CLEC4G: variants seen among roughly 807,000 people sequenced by gnomAD.
CLEC4G encodes C-type lectin superfamily 4, member G.
CLEC4G carries 34 observed loss-of-function variants against 37.0 expected under a neutral mutation model. The ratio of observed to expected loss-of-function variants is 0.92; its 90% CI spans 0.70 to 1.22. CLEC4G has a LOEUF of 1.22. Among genes scored for constraint, CLEC4G ranks in the 50% most tolerant of loss-of-function variants. CLEC4G has a pLI of 0.00. For synonymous variants in CLEC4G, 167 were observed against 165.6 expected (o/e 1.01, Z -0.06); for missense variants, 390 against 392.9 (o/e 0.99, Z 0.06).
rs200909605 is a variant in CLEC4G, at chr19:7,729,367, C to G, written c.881G>C (p.Ter294SerextTer79). 1.2e-6 allele frequency: 2 copies of G among 1,604,530 alleles called. No individual in the cohort carries two copies. The highest frequency in any genetic ancestry group is 1.7e-6 in the Non-Finnish European group (2 of 1,172,480). Residue 294 changes from the stop codon to serine (S), a stop_lost, in exon 9 of 9, where the codon TGA becomes TCA. Coordinates refer to ENST00000328853, the MANE Select transcript of CLEC4G (RefSeq NM_198492.4). ...GCGGCTCCAGGGCACTGGGCGGGGT[C>G]AGCAGTTGTGCCTTTTCTCACAGAT... ...GWICEKRHNC[*>S]
rs374484588 is a variant in CLEC4G, at chr19:7,731,784, G to C, written c.56-13C>G. On this transcript the variant is annotated splice_polypyrimidine_tract_variant and intron_variant, in intron 1 of 8. Transcript: ENST00000328853. Reference sequence around the variant, plus strand: ...CGTCCCCAGGGCCCTGGCATAACAAGGACGGCATGCTGGGTCCCCCAGAAC... The same window carrying C: ...CGTCCCCAGGGCCCTGGCATAACAACGACGGCATGCTGGGTCCCCCAGAAC... 1.2e-6 allele frequency: 2 copies of C among 1,609,722 alleles called. No individual in the cohort carries two copies. Among genetic ancestry groups the C allele is most frequent in the South Asian group, 2.2e-5 (2 of 90,490 alleles).
chr19:7,731,724 C>A lies in CLEC4G; in HGVS notation c.103G>T (p.Ala35Ser). The A allele has an allele frequency of 6.2e-7, 1 of 1,614,066 alleles. No individual in the cohort carries two copies. The highest frequency in any genetic ancestry group is 1.1e-5 in the South Asian group (1 of 91,076). ...VHWSRRPLFL[A>S]LAVLVTTVLW... is the part of the protein sequence containing the mutation. ...ACTGTGGTGACCAGGACAGCCAGGG[C>A]CAAGAAGAGGGGTCTCCTGCTCCAG... The change falls in exon 2 of 9, where the codon GCC becomes TCC. Residue 35 changes from alanine (A) to serine (S), a missense_variant. Physicochemically the swap from Ala to Ser is moderately conservative, Grantham distance 99. Transcript: ENST00000328853.
In CLEC4G at chr19:7,730,744, C is replaced by T; in HGVS notation, c.388+11G>A. On this transcript the variant is annotated intron_variant, in intron 5 of 8. Coordinates refer to ENST00000328853, the MANE Select transcript of CLEC4G (RefSeq NM_198492.4). The surrounding 1 kb of genome is among the most constrained non-coding windows in gnomAD (Gnocchi z 7.3). ...CCAGGGCTCAGGGCCGGGGTCGCGT[C>T]GGGCCCTCACCGCGCTCACGCAGTT... 6.5e-7 allele frequency: 1 copy of T among 1,530,066 alleles called. No individual in the cohort carries two copies. Among genetic ancestry groups the T allele is most frequent in the Non-Finnish European group, 8.7e-7 (1 of 1,144,454 alleles). 94.8% of individuals were successfully genotyped at this position (1,530,066 alleles called of 1,614,324 possible).
chr19:7,731,797 G>A (rs902684349), intron 1 of CLEC4G, 26 bp from the exon 2 acceptor site: 1 of 1,604,524 alleles, frequency 6.2e-7, no homozygotes, highest in South Asian at 1.1e-5. Flanking sequence ...CGGCATGCTG[G>A]GTCCCCCAGA....
At chr19:7,731,145 G>A (rs1284085932) in intron 3 of CLEC4G, 57 bp from the exon 4 acceptor site, 1 of 1,598,188 alleles carries the variant, frequency 6.3e-7, no homozygotes, top group East Asian at 2.2e-5. Flanking sequence ...GAGGACTCAG[G>A]GGACCCCCTT....
chr19:7,730,975 C>A lies in CLEC4G; in HGVS notation c.283+51G>T. 1.3e-6 allele frequency: 2 copies of A among 1,533,038 alleles called. No individual in the cohort carries two copies. The highest frequency in any genetic ancestry group is 3.9e-5 in the Admixed American group (2 of 51,354). 95.0% of individuals were successfully genotyped at this position (1,533,038 alleles called of 1,614,324 possible). On this transcript the variant is annotated intron_variant, in intron 4 of 8. Coordinates refer to ENST00000328853, the MANE Select transcript of CLEC4G (RefSeq NM_198492.4). This position sits in a 1 kb window ranked among gnomAD's most constrained non-coding sequence, Gnocchi z 7.3. Reference sequence around the variant, plus strand: ...CTCCGCCCCGGCCCCCCTCCCATCGCGGCCGCAAGACCCCATCCCTGCGCC... The same window carrying A: ...CTCCGCCCCGGCCCCCCTCCCATCGAGGCCGCAAGACCCCATCCCTGCGCC...
chr19:7,731,239 G>A (rs750339756), intron 3 of CLEC4G, 27 bp downstream of exon 3: 13 of 1,582,238 alleles, frequency 8.2e-6, no homozygotes, highest in Non-Finnish European at 1.1e-5. Flanking sequence ...ACGCCCCGGG[G>A]GCCCAGGCGC....
rs1212494804 is a variant in CLEC4G, at chr19:7,730,700, T to G, written c.388+55A>C. 254 of 1,488,398 alleles carry G rather than the reference T, an allele frequency of 1.7e-4. No individual in the cohort carries two copies. Among genetic ancestry groups the G allele is most frequent in the Admixed American group, 3.0e-4 (14 of 46,562 alleles). The allele number at this position is 1,488,398 out of a possible 1,614,324, so 92.2% of individuals were successfully genotyped here. A position where few individuals can be genotyped will look rare whatever the true frequency, so the allele number is the denominator to read the frequency against. On this transcript the variant is annotated intron_variant, in intron 5 of 8. Transcript: ENST00000328853. This position sits in a 1 kb window ranked among gnomAD's most constrained non-coding sequence, Gnocchi z 7.3. The stretch of plus-strand genomic sequence containing the variant: ...TCGGGGGTCAGCACTCAGGACGGGG[T>G]CGGGGTCGGGGGACGCGGCCAGGGC...
In CLEC4G at chr19:7,730,275, A is replaced by G. The variant is rs1316054922; in HGVS notation, c.478+76T>C. The G allele has an allele frequency of 1.3e-6, 2 of 1,572,916 alleles. No individual in the cohort carries two copies. Among genetic ancestry groups the G allele is most frequent in the Non-Finnish European group, 1.7e-6 (2 of 1,162,792 alleles). On this transcript the variant is annotated intron_variant, in intron 6 of 8. Coordinates refer to ENST00000328853, the MANE Select transcript of CLEC4G (RefSeq NM_198492.4). The surrounding 1 kb of genome is among the most constrained non-coding windows in gnomAD (Gnocchi z 7.3). The stretch of plus-strand genomic sequence containing the variant: ...CGCGGGCTCAGGGGTGGAGACACAG[A>G]ACCAGGCCAAGGTCCAGGAGTGACA...
At position 7,729,509 on chromosome 19, in the gene CLEC4G, A is replaced by AG. The variant is rs1177248377; in HGVS notation, c.744-6dup. On this transcript the variant is annotated splice_polypyrimidine_tract_variant and splice_region_variant and intron_variant, in intron 8 of 8. Coordinates refer to ENST00000328853, the MANE Select transcript of CLEC4G (RefSeq NM_198492.4). ...GGCTCTCCCTGGTTCCAGTGGCTAC[A>AG]GGGGGGTTGAGTGGGGGTGTTGCTG... The AG allele has an allele frequency of 5.7e-6, 9 of 1,586,652 alleles. No homozygotes were observed. The African/African-American group carries it at 1.2e-4, about 21-fold the overall frequency.
chr19:7,731,472 C>T (rs536261425), intron 2 of CLEC4G, 153 bp from the exon 3 acceptor site: 13 of 1,472,404 alleles, frequency 8.8e-6, no homozygotes, highest in South Asian at 2.7e-5. Context: ...GACAAACGCG[C>T]GGGGACTCGC....
Position 7,728,986 on chromosome 19 carries a change from A to G in CLEC4G, c.*380T>C. Reference sequence around the variant, plus strand: ...GGATTCATTTCTCAAATATTTATTGATGCTTCCTCAGGCTGCAAAAACAGC... The same window carrying G: ...GGATTCATTTCTCAAATATTTATTGGTGCTTCCTCAGGCTGCAAAAACAGC... On this transcript the variant is annotated 3_prime_UTR_variant, in exon 9 of 9. Transcript: ENST00000328853. The G allele has an allele frequency of 5.5e-6, 2 of 365,230 alleles. No individual in the cohort carries two copies. The highest frequency in any genetic ancestry group is 7.1e-5 in the East Asian group (1 of 14,136). The allele number at this position is 365,230 out of a possible 1,614,324, so 22.6% of individuals were successfully genotyped here. A position where few individuals can be genotyped will look rare whatever the true frequency, so the allele number is the denominator to read the frequency against.
At chr19:7,731,482 C>A (rs368923465) in intron 2 of CLEC4G, 163 bp from the exon 3 acceptor site, 1 of 1,470,416 alleles carries the variant, frequency 6.8e-7, no homozygotes, top group East Asian at 2.5e-5. Context: ...CGGGGACTCG[C>A]GCACATACGA....
Position 7,730,637 on chromosome 19 carries a change from G to A in CLEC4G, c.388+118C>T. ...GCTAGGAGTGGCAGTCAAGGTCAGAGTGCAGCGTCAGGGTCAGGACGGGGT... is the reference window on the plus strand; with the variant it reads ...GCTAGGAGTGGCAGTCAAGGTCAGAATGCAGCGTCAGGGTCAGGACGGGGT... On this transcript the variant is annotated intron_variant, in intron 5 of 8. Coordinates refer to ENST00000328853, the MANE Select transcript of CLEC4G (RefSeq NM_198492.4). The surrounding 1 kb of genome is among the most constrained non-coding windows in gnomAD (Gnocchi z 7.3). The A allele has an allele frequency of 2.1e-6, 3 of 1,454,292 alleles. No homozygotes were observed. The highest frequency in any genetic ancestry group is 1.8e-6 in the Non-Finnish European group (2 of 1,105,184). 90.1% of individuals were successfully genotyped at this position (1,454,292 alleles called of 1,614,324 possible).
chr19:7,729,604 G>T, intron 8 of CLEC4G, 100 bp from the exon 9 acceptor site: 1 of 1,196,592 alleles, frequency 8.4e-7, no homozygotes. Context: ...TATTGCTTGG[G>T]TCTACTCTAG....
rs1199230056 is a variant in CLEC4G, at chr19:7,729,364, G to T, written c.*2C>A. On this transcript the variant is annotated 3_prime_UTR_variant, in exon 9 of 9. Transcript: ENST00000328853. ...GGCGCGGCTCCAGGGCACTGGGCGGGGTCAGCAGTTGTGCCTTTTCTCACA... is the reference window on the plus strand; with the variant it reads ...GGCGCGGCTCCAGGGCACTGGGCGGTGTCAGCAGTTGTGCCTTTTCTCACA... 5 of 1,601,084 alleles carry T rather than the reference G, an allele frequency of 3.1e-6. No individual in the cohort carries two copies. Among genetic ancestry groups the T allele is most frequent in the Non-Finnish European group, 4.3e-6 (5 of 1,169,562 alleles).
chr19:7,730,948 G>A lies in CLEC4G; in HGVS notation c.283+78C>T, dbSNP rs1383521446. The A allele has an allele frequency of 5.6e-4, 815 of 1,463,672 alleles. No homozygotes were observed. The highest frequency in any genetic ancestry group is 7.1e-4 in the Non-Finnish European group (785 of 1,106,268). 90.7% of individuals were successfully genotyped at this position (1,463,672 alleles called of 1,614,324 possible). ...CCCCGCCCCGCACCACCCGCCGCAG[G>A]CCTCCGCCCCGGCCCCCCTCCCATC... On this transcript the variant is annotated intron_variant, in intron 4 of 8. Coordinates refer to ENST00000328853, the MANE Select transcript of CLEC4G (RefSeq NM_198492.4). This position sits in a 1 kb window ranked among gnomAD's most constrained non-coding sequence, Gnocchi z 7.3.
At position 7,729,155 on chromosome 19, in the gene CLEC4G, T is replaced by G; in HGVS notation, c.*211A>C. ...TAGTGGAGGTTAGGTTGGGTCTGCGTGAGTGGAGTTAGGATGAGGTCGGCA... is the reference window on the plus strand; with the variant it reads ...TAGTGGAGGTTAGGTTGGGTCTGCGGGAGTGGAGTTAGGATGAGGTCGGCA... On this transcript the variant is annotated 3_prime_UTR_variant, in exon 9 of 9. Coordinates refer to ENST00000328853, the MANE Select transcript of CLEC4G (RefSeq NM_198492.4). 1.5e-6 allele frequency: 1 copy of G among 677,588 alleles called. No homozygotes were observed. The highest frequency in any genetic ancestry group is 2.8e-5 in the East Asian group (1 of 35,396). The allele number at this position is 677,588 out of a possible 1,614,324, so 42.0% of individuals were successfully genotyped here.
rs1214313101 is a variant in CLEC4G at position 7,730,889 on chromosome 19, G to A, written c.284-30C>T. 2.6e-6 allele frequency: 4 copies of A among 1,526,026 alleles called. No individual in the cohort carries two copies. Among genetic ancestry groups the A allele is most frequent in the Non-Finnish European group, 2.6e-6 (3 of 1,142,842 alleles). 94.5% of individuals were successfully genotyped at this position (1,526,026 alleles called of 1,614,324 possible). On this transcript the variant is annotated intron_variant, in intron 4 of 8. Coordinates refer to ENST00000328853, the MANE Select transcript of CLEC4G (RefSeq NM_198492.4). This position sits in a 1 kb window ranked among gnomAD's most constrained non-coding sequence, Gnocchi z 7.3. ...GAGCCGCAGGGTGAGAGGGGCGAGG[G>A]CGGCGAGGATGGGGCGGGACTTCGG...
Sources: allele counts gnomAD v4.1 joint callset, GRCh38; gene constraint gnomAD v4.1.1; non-coding constraint Gnocchi (gnomAD v3.1); transcripts MANE v1.5; gene names NCBI Gene and HGNC (gene_info 2026-07-23, HGNC 2026-07-21).